IL4: variants seen among roughly 807,000 people sequenced by gnomAD.
The protein encoded by IL4 is interleukin-4.
IL4 carries 10 observed loss-of-function variants against 17.4 expected under a neutral mutation model. The ratio of observed to expected loss-of-function variants is 0.57; its 90% confidence interval spans 0.35 to 0.97. The LOEUF is 0.97. Ranked by LOEUF, IL4 falls within the 50% of genes least tolerant of loss-of-function variation. The pLI, the probability that IL4 is intolerant of heterozygous loss-of-function variation, is 0.01. For missense variants in IL4, 174 were observed against 187.7 expected (o/e 0.93, Z 0.43); for synonymous variants, 87 against 79.0 (o/e 1.10, Z -0.54).
intron 2 of IL4, among the ~76,000 whole-genome samples, chr5:132,675,923 A>ATGTGTGTGTGTGTGTGTG (rs1561676315): frequency 9.1e-5 from 6 of 65,716 alleles, no homozygotes; most frequent in African/African-American, 5.4e-4. Context: ...ATATATGTGT[A>ATGTGTGTGTGTGTGTGTG]TGTATATGTG....
rs368073622 is a variant in IL4, at chr5:132,674,663, C to T, written c.183+157C>T. 9.8e-5 allele frequency among the ~76,000 whole-genome samples: 15 copies of T among 152,304 alleles called. No individual in the cohort carries two copies. In the East Asian group the frequency reaches 1.5e-3, roughly 16 times the overall value. ...GAGAAGTCTGATCTTTACTCTTAAG[C>T]ATGTTTTGGTCTTTCTGGTTTCACT... On this transcript the variant is annotated intron_variant, in intron 2 of 3. Transcript: ENST00000231449.
Position 132,682,610 on chromosome 5 carries a change from G to T in IL4, c.*23G>T. 8.1e-7 allele frequency: 1 copy of T among 1,230,054 alleles called. No homozygotes were observed. Among genetic ancestry groups the T allele is most frequent in the South Asian group, 1.3e-5 (1 of 75,030 alleles). 76.2% of individuals were successfully genotyped at this position (1,230,054 alleles called of 1,614,324 possible). A position where few individuals can be genotyped will look rare whatever the true frequency, so the allele number is the denominator to read the frequency against. On this transcript the variant is annotated 3_prime_UTR_variant, in exon 4 of 4. Coordinates refer to ENST00000231449, the MANE Select transcript of IL4 (RefSeq NM_000589.4). The stretch of plus-strand genomic sequence containing the variant: ...TGAATATTTTAATTTATGAGTTTTT[G>T]ATAGCTTTATTTTTTAAGTATTTAT...
intron 2 of IL4, among the ~76,000 whole-genome samples, chr5:132,676,764 T>C (rs892188867): frequency 3.3e-5 from 5 of 152,250 alleles, no homozygotes; most frequent in African/African-American, 1.2e-4. Flanking sequence ...GAAAAGGTAC[T>C]TCTTTGTGTT....
chr5:132,675,972 C>A (rs557902786), intron 2 of IL4, among the ~76,000 whole-genome samples: 1 of 116,336 alleles, frequency 8.6e-6, no homozygotes, highest in Admixed American at 9.3e-5. Context: ...ATCTCCAAGT[C>A]CATCCAACCG....
intron 2 of IL4, among the ~76,000 whole-genome samples, chr5:132,675,929 ATGTGTGTG>A (rs2234664): frequency 2.1e-5 from 3 of 140,942 alleles, no homozygotes; most frequent in African/African-American, 8.2e-5. Flanking sequence ...GTGTATGTAT[ATGTGTGTG>A]TGTGTGTGTG....
At chr5:132,679,371 G>A (rs191460741) in intron 2 of IL4, among the ~76,000 whole-genome samples, 4 of 152,308 alleles carry the variant, frequency 2.6e-5, no homozygotes, top group African/African-American at 7.2e-5. Context: ...GACGCAGAAC[G>A]TGGGCTGTAG....
At chr5:132,681,159 T>C (rs1752480069) in intron 3 of IL4, among the ~76,000 whole-genome samples, 1 of 152,050 alleles carries the variant, frequency 6.6e-6, no homozygotes, top group South Asian at 2.1e-4. Context: ...AAAATCTGAA[T>C]GACAGAAAGG....
chr5:132,679,523 A>G (rs1005701028), intron 2 of IL4, among the ~76,000 whole-genome samples, 191 bp from the exon 3 acceptor site: 2 of 152,096 alleles, frequency 1.3e-5, no homozygotes, highest in African/African-American at 4.8e-5. Flanking sequence ...TGCAATTGGG[A>G]GAGGTTGTTG....
At chr5:132,675,917 A>ATGTGTG (rs1321831614) in intron 2 of IL4, among the ~76,000 whole-genome samples, 14 of 80,148 alleles carry the variant, frequency 1.7e-4, no homozygotes, top group African/African-American at 8.2e-4. Context: ...GTATGTATAT[A>ATGTGTG]TGTGTATGTA....
intron 3 of IL4, among the ~76,000 whole-genome samples, chr5:132,681,677 A>T (rs1202687295): frequency 6.6e-6 from 1 of 152,148 alleles, no homozygotes; most frequent in Non-Finnish European, 1.5e-5. Flanking sequence ...GAGCAGAAAG[A>T]GGAAGAATCA....
Position 132,679,804 on chromosome 5 carries a change from G to A in IL4, c.274G>A (p.Ala92Thr). Reference sequence around the variant, plus strand: ...TGAGAAGGACACTCGCTGCCTGGGTGCGACTGCACAGCAGTTCCACAGGCA... The same window carrying A: ...TGAGAAGGACACTCGCTGCCTGGGTACGACTGCACAGCAGTTCCACAGGCA... ...HHEKDTRCLG[A>T]TAQQFHRHKQ... Residue 92 changes from alanine (A) to threonine (T), a missense_variant, in exon 3 of 4, where the codon GCG (alanine) becomes ACG (threonine). Ala to Thr is a moderately conservative substitution (Grantham distance 58). Transcript: ENST00000231449. 6.2e-7 allele frequency: 1 copy of A among 1,614,004 alleles called. No homozygotes were observed. The highest frequency in any genetic ancestry group is 8.5e-7 in the Non-Finnish European group (1 of 1,179,952).
intron 2 of IL4, among the ~76,000 whole-genome samples, chr5:132,675,797 A>G (rs1752364917): frequency 6.6e-6 from 1 of 151,130 alleles, no homozygotes; most frequent in Admixed American, 6.6e-5. Context: ...CAATCCGTCC[A>G]CCTCGGCCTC....
At chr5:132,679,537 G>C (rs896893477) in intron 2 of IL4, among the ~76,000 whole-genome samples, 177 bp from the exon 3 acceptor site, 1 of 152,188 alleles carries the variant, frequency 6.6e-6, no homozygotes, top group African/African-American at 2.4e-5. Flanking sequence ...GTTGTTGACA[G>C]AGGTTTATGT....
At chr5:132,681,735 C>A (rs1443697536) in intron 3 of IL4, among the ~76,000 whole-genome samples, 1 of 152,062 alleles carries the variant, frequency 6.6e-6, no homozygotes, top group Admixed American at 6.5e-5. Context: ...TATCTAATAT[C>A]GAGTGGAGGA....
chr5:132,678,241 G>C (rs1752419464), intron 2 of IL4, among the ~76,000 whole-genome samples: 1 of 152,240 alleles, frequency 6.6e-6, no homozygotes, highest in African/African-American at 2.4e-5. Flanking sequence ...GTACCACTGT[G>C]CAATGCGTTT....
At chr5:132,679,589 G>A (rs1252549479) in intron 2 of IL4, 125 bp from the exon 3 acceptor site, 2 of 796,532 alleles carry the variant, frequency 2.5e-6, no homozygotes, top group African/African-American at 3.5e-5. Flanking sequence ...CTTGAAGACA[G>A]GTCTGTAGTT....
intron 2 of IL4, 131 bp downstream of exon 2, chr5:132,674,637 C>T (rs774593493): frequency 1.0e-4 from 70 of 700,184 alleles, no homozygotes; most frequent in Admixed American, 1.8e-4. Flanking sequence ...TTTCAAAGAA[C>T]GAGAAGTCTG....
chr5:132,682,662 G>C lies in IL4; in HGVS notation c.*75G>C, dbSNP rs1158104123. On this transcript the variant is annotated 3_prime_UTR_variant, in exon 4 of 4. Transcript: ENST00000231449. Reference sequence around the variant, plus strand: ...TATTTATAACTCATCATAAAATAAAGTATATATAGAATCTAACAGCAATGG... The same window carrying C: ...TATTTATAACTCATCATAAAATAAACTATATATAGAATCTAACAGCAATGG... 1 of 704,414 alleles carries C rather than the reference G, an allele frequency of 1.4e-6. No homozygotes were observed. The highest frequency in any genetic ancestry group is 2.3e-6 in the Non-Finnish European group (1 of 434,162). 43.6% of individuals were successfully genotyped at this position (704,414 alleles called of 1,614,324 possible).
In IL4 at chr5:132,675,927, A is replaced by ATGTGTGTGTGTGTGTG. The variant is rs1338820933; in HGVS notation, c.183+1422_183+1423insGTGTGTGTGTGTGTGT. 6.6e-4 allele frequency among the ~76,000 whole-genome samples: 27 copies of ATGTGTGTGTGTGTGTG among 41,052 alleles called. No individual in the cohort carries two copies. The East Asian group carries it at 0.022, about 34-fold the overall frequency. 26.9% of individuals were successfully genotyped at this position (41,052 alleles called of 152,430 possible). A position where few individuals can be genotyped will look rare whatever the true frequency, so the allele number is the denominator to read the frequency against. On this transcript the variant is annotated intron_variant, in intron 2 of 3. Transcript: ENST00000231449. ...TGTGTGTATGTATATATGTGTATGT[A>ATGTGTGTGTGTGTGTG]TATGTGTGTGTGTGTGTGTGTGTGT...
Sources: allele counts gnomAD v4.1 joint callset (sites outside exome capture counted in the v4.1 genomes callset), GRCh38; gene constraint gnomAD v4.1.1; transcripts MANE v1.5; gene names NCBI Gene and HGNC (gene_info 2026-07-23, HGNC 2026-07-21).